TBC1D10A: variants seen among roughly 807,000 people sequenced by gnomAD.
TBC1D10A encodes EBP50-PDX interactor of 64 kDa.
Under a neutral mutation model 52.9 loss-of-function variants are expected in TBC1D10A, and 24 were observed. That is an observed-to-expected ratio of 0.45 (90% CI 0.33 to 0.64). TBC1D10A has a LOEUF of 0.64. Ranked by LOEUF, TBC1D10A falls within the 30% of genes least tolerant of loss-of-function variation. TBC1D10A has a pLI of 0.02. For synonymous variants in TBC1D10A, 278 were observed against 282.9 expected (o/e 0.98, Z 0.17); for missense variants, 602 against 687.9 (o/e 0.88, Z 1.40).
chr22:30,325,257 C>T (rs1373963871), intron 1 of TBC1D10A, among the ~76,000 whole-genome samples: 1 of 152,200 alleles, frequency 6.6e-6, no homozygotes, highest in Non-Finnish European at 1.5e-5. Flanking sequence ...AGAGGGAACT[C>T]CCCTTAGGGG....
In TBC1D10A at chr22:30,294,866, G is replaced by A. The variant is rs755343172; in HGVS notation, c.640-5C>T. The A allele has an allele frequency of 6.2e-7, 1 of 1,614,128 alleles. No homozygotes were observed. Among genetic ancestry groups the A allele is most frequent in the Non-Finnish European group, 8.5e-7 (1 of 1,180,024 alleles). On this transcript the variant is annotated splice_region_variant and splice_polypyrimidine_tract_variant and intron_variant, in intron 5 of 8. Transcript: ENST00000215790. ...TACCAGGCACCAGAAGGCTTGCTGTGGGCAAGAGAGATGTGAGGCCTTGCC... is the reference window on the plus strand; with the variant it reads ...TACCAGGCACCAGAAGGCTTGCTGTAGGCAAGAGAGATGTGAGGCCTTGCC...
Position 30,295,004 on chromosome 22 carries a change from C to T in TBC1D10A, c.576G>A (p.Glu192=), listed in dbSNP as rs763318805. ...VLKAYTLYRP[E]EGYCQAQAPI... is the part of the protein sequence containing the mutation. Reference sequence around the variant, plus strand: ...GCGCCTGGGCCTGGCAGTAGCCCTCCTCGGGCCGGTACAGCGTGTAGGCCT... The same window carrying T: ...GCGCCTGGGCCTGGCAGTAGCCCTCTTCGGGCCGGTACAGCGTGTAGGCCT... The change falls in exon 5 of 9, where the codon GAG becomes GAA. Residue 192 remains glutamate (E), a synonymous_variant. Coordinates refer to ENST00000215790, the MANE Select transcript of TBC1D10A (RefSeq NM_031937.3). 3 of 1,613,960 alleles carry T rather than the reference C, an allele frequency of 1.9e-6. No homozygotes were observed. Among genetic ancestry groups the T allele is most frequent in the Non-Finnish European group, 2.5e-6 (3 of 1,180,038 alleles).
Position 30,292,257 on chromosome 22 carries a change from C to T in TBC1D10A, c.*118G>A. The T allele has an allele frequency of 1.1e-6, 1 of 899,244 alleles. No individual in the cohort carries two copies. The highest frequency in any genetic ancestry group is 1.7e-6 in the Non-Finnish European group (1 of 600,828). 55.7% of individuals were successfully genotyped at this position (899,244 alleles called of 1,614,324 possible). A position where few individuals can be genotyped will look rare whatever the true frequency, so the allele number is the denominator to read the frequency against. On this transcript the variant is annotated 3_prime_UTR_variant, in exon 9 of 9. Coordinates refer to ENST00000215790, the MANE Select transcript of TBC1D10A (RefSeq NM_031937.3). ...AATCTGTGTTGGACCAGCCAGACTC[C>T]AGCCCAGCCCAGTGGCCAGGCAGCT...
chr22:30,293,633 G>A lies in TBC1D10A; in HGVS notation c.1050+18C>T, dbSNP rs1257331345. ...GTCTTCCTCCCTCCCCATGATAAGGGGCAGGCATGGGCTGTACCTCCTGGA... is the reference window on the plus strand; with the variant it reads ...GTCTTCCTCCCTCCCCATGATAAGGAGCAGGCATGGGCTGTACCTCCTGGA... On this transcript the variant is annotated intron_variant, in intron 8 of 8. Transcript: ENST00000215790. 6.3e-7 allele frequency: 1 copy of A among 1,591,644 alleles called. No homozygotes were observed. The highest frequency in any genetic ancestry group is 8.6e-7 in the Non-Finnish European group (1 of 1,165,004).
chr22:30,301,067 C>A (rs967329479), intron 2 of TBC1D10A, among the ~76,000 whole-genome samples: 3 of 152,178 alleles, frequency 2.0e-5, no homozygotes, highest in Non-Finnish European at 4.4e-5. Context: ...ATCACACAAG[C>A]AGAGTGGGGG....
At chr22:30,325,445 T>C (rs1930747325) in intron 1 of TBC1D10A, among the ~76,000 whole-genome samples, 1 of 152,124 alleles carries the variant, frequency 6.6e-6, no homozygotes, top group Non-Finnish European at 1.5e-5. Flanking sequence ...GAAAGGATAT[T>C]CTCTGGAGTA....
At chr22:30,324,973 C>T (rs562723467) in intron 1 of TBC1D10A, among the ~76,000 whole-genome samples, 4 of 152,342 alleles carry the variant, frequency 2.6e-5, no homozygotes, top group African/African-American at 7.2e-5. Flanking sequence ...AATCTGAGCT[C>T]TTCCTTCCAA....
chr22:30,300,278 T>G lies in TBC1D10A; in HGVS notation c.310-727A>C, dbSNP rs141688734. 5.8e-3 allele frequency among the ~76,000 whole-genome samples: 874 copies of G among 151,218 alleles called. 33 individuals are homozygous for G. The highest frequency in any genetic ancestry group is 0.05 in the Admixed American group (756 of 15,206). Reference sequence around the variant, plus strand: ...GCCTGGCCAACATGGTGAAACCCCGTCTCTACTAAAAATACAAAAAATTAG... The same window carrying G: ...GCCTGGCCAACATGGTGAAACCCCGGCTCTACTAAAAATACAAAAAATTAG... On this transcript the variant is annotated intron_variant, in intron 2 of 8. Coordinates refer to ENST00000215790, the MANE Select transcript of TBC1D10A (RefSeq NM_031937.3).
intron 1 of TBC1D10A, among the ~76,000 whole-genome samples, chr22:30,317,486 G>GT (rs1328493240): frequency 6.6e-6 from 1 of 152,204 alleles, no homozygotes; most frequent in East Asian, 1.9e-4. Context: ...TAGTGGCTCA[G>GT]TAAGGCATAG....
chr22:30,323,970 C>CA (rs34782876), intron 1 of TBC1D10A, among the ~76,000 whole-genome samples: 16,074 of 151,210 alleles, frequency 0.11, 933 homozygotes, highest in Middle Eastern at 0.21. Flanking sequence ...GACTCCGTCT[C>CA]AAAAAAAAAA....
rs1930790749 is a variant in TBC1D10A, at chr22:30,326,846, C to A, written c.36G>T (p.Ala12=). The change falls in exon 1 of 9, where the codon GCG becomes GCT. Residue 12 remains alanine, a synonymous_variant. Transcript: ENST00000215790. ...AKSNGENGPR[A]PAAGESLSGT... ...CCGACAGGCTTTCCCCGGCCGCGGG[C>A]GCGCGCGGCCCATTCTCTCCGTTGC... is the stretch of plus-strand genomic sequence containing the variant. 2 of 1,472,374 alleles carry A rather than the reference C, an allele frequency of 1.4e-6. No individual in the cohort carries two copies. Among genetic ancestry groups the A allele is most frequent in the Non-Finnish European group, 1.8e-6 (2 of 1,120,456 alleles). The allele number at this position is 1,472,374 out of a possible 1,614,324, so 91.2% of individuals were successfully genotyped here.
intron 1 of TBC1D10A, among the ~76,000 whole-genome samples, chr22:30,324,770 G>A (rs1930731559): frequency 6.6e-6 from 1 of 152,202 alleles, no homozygotes; most frequent in South Asian, 2.1e-4. Context: ...TGGGAAGTGG[G>A]TGTTACTGTC....
chr22:30,324,507 C>T (rs764898120), intron 1 of TBC1D10A, among the ~76,000 whole-genome samples: 16 of 152,092 alleles, frequency 1.1e-4, no homozygotes, highest in South Asian at 2.1e-4. Context: ...AGCCACATCC[C>T]GGGTTTGTGG....
intron 2 of TBC1D10A, among the ~76,000 whole-genome samples, chr22:30,303,285 ATAGT>A (rs1475902168): frequency 2.7e-5 from 4 of 147,964 alleles, no homozygotes; most frequent in South Asian, 4.2e-4. Flanking sequence ...TCTCAAATAA[ATAGT>A]TAGATAGATA....
chr22:30,309,014 C>T (rs571521439), intron 1 of TBC1D10A, among the ~76,000 whole-genome samples: 2 of 152,298 alleles, frequency 1.3e-5, no homozygotes, highest in African/African-American at 4.8e-5. Flanking sequence ...ATTTCCAGTT[C>T]CCTGGGGAAG....
intron 3 of TBC1D10A, chr22:30,296,542 A>G (rs1053744313): frequency 1.3e-5 from 2 of 152,242 alleles, no homozygotes; most frequent in African/African-American, 4.8e-5. Context: ...CTGTCAAACC[A>G]TTAACCTCAG....
At chr22:30,303,038 T>C (rs1043419115) in intron 2 of TBC1D10A, among the ~76,000 whole-genome samples, 3 of 152,258 alleles carry the variant, frequency 2.0e-5, no homozygotes, top group African/African-American at 7.2e-5. Flanking sequence ...TCCAGCACTT[T>C]GGGAGGCCAA....
rs752831550 is a variant in TBC1D10A, at chr22:30,294,003, C to T, written c.813G>A (p.Met271Ile). ...SRQKIDPLLY[M>I]TEWFMCAFSR... ...AGAAGGCGCACATGAACCATTCTGT[C>T]ATATAGAGGAGCGGGTCGATCTTCT... is the stretch of plus-strand genomic sequence containing the variant. Residue 271 changes from methionine to isoleucine, a missense_variant, in exon 7 of 9, where the codon ATG becomes ATA. This residue lies in a region of TBC1D10A where 136 missense variants were observed against 208.4 expected (regional missense o/e 0.65). Transcript: ENST00000215790. 6.2e-7 allele frequency: 1 copy of T among 1,614,182 alleles called. No individual in the cohort carries two copies. The highest frequency in any genetic ancestry group is 2.2e-5 in the East Asian group (1 of 44,886).
chr22:30,313,834 T>G (rs1333362042), intron 1 of TBC1D10A, among the ~76,000 whole-genome samples: 1 of 152,098 alleles, frequency 6.6e-6, no homozygotes, highest in African/African-American at 2.4e-5. Context: ...TAGTAAGAAC[T>G]TGATAAAGAG....
Sources: allele counts gnomAD v4.1 joint callset (sites outside exome capture counted in the v4.1 genomes callset), GRCh38; gene constraint gnomAD v4.1.1; regional missense constraint gnomAD v4.1.1; transcripts MANE v1.5; gene names NCBI Gene and HGNC (gene_info 2026-07-23, HGNC 2026-07-21).